CARS1: variants seen among roughly 807,000 people sequenced by gnomAD.
CARS1 encodes the protein cysteine--tRNA ligase, cytoplasmic.
CARS1 carries 48 observed loss-of-function variants against 106.2 expected under a neutral mutation model. That is an observed-to-expected ratio of 0.45 (90% CI 0.36 to 0.57). CARS1 has a LOEUF of 0.57. Ranked by LOEUF, CARS1 falls within the 20% of genes least tolerant of loss-of-function variation. The probability of loss-of-function intolerance (pLI) is 0.00; values close to 1 mark genes in which losing one functional copy is unlikely to be tolerated. For missense variants in CARS1, 968 were observed against 1,057.2 expected (o/e 0.92, Z 1.17); for synonymous variants, 409 against 403.4 (o/e 1.01, Z -0.17).
In CARS1 at chr11:3,004,371, C is replaced by T. The variant is rs1363216263; in HGVS notation, c.2217+995G>A. Among the ~76,000 whole-genome samples the T allele has an allele frequency of 1.3e-5, 2 of 152,238 alleles. No homozygotes were observed. The highest frequency in any genetic ancestry group is 2.9e-5 in the Non-Finnish European group (2 of 68,044). On this transcript the variant is annotated intron_variant, in intron 20 of 22. Coordinates refer to ENST00000380525, the MANE Select transcript of CARS1 (RefSeq NM_001014437.3). This position sits in a 1 kb window ranked among gnomAD's most constrained non-coding sequence, Gnocchi z 5.2. The stretch of plus-strand genomic sequence containing the variant: ...GCCAGTGCAGGGCTAGGCATAGATG[C>T]CTTCCCTGACCTTGTACATCCCATC...
rs115895188 is a variant in CARS1, at chr11:3,004,486, G to A, written c.2217+880C>T. On this transcript the variant is annotated intron_variant, in intron 20 of 22. Transcript: ENST00000380525. The surrounding 1 kb of genome is among the most constrained non-coding windows in gnomAD (Gnocchi z 5.2). ...TGTGGCATCCAAACTCGCCCTCCAC[G>A]GTGGTCTCCTGCTTTAAGCCTCTTG... Among the ~76,000 whole-genome samples, 3,156 of 152,236 alleles carry A rather than the reference G, an allele frequency of 0.021. 105 individuals carry two copies. Among genetic ancestry groups the A allele is most frequent in the African/African-American group, 0.072 (2,988 of 41,544 alleles).
intron 21 of CARS1, 124 bp from the exon 22 acceptor site, chr11:3,002,177 A>ATT (rs1292108180): frequency 1.4e-6 from 1 of 732,652 alleles, no homozygotes; most frequent in Non-Finnish European, 2.4e-6. Flanking sequence ...TCAGAGTGCT[A>ATT]TGAAAGATGG....
chr11:3,023,274 G>A (rs558013161), intron 10 of CARS1, among the ~76,000 whole-genome samples: 1 of 152,204 alleles, frequency 6.6e-6, no homozygotes, highest in African/African-American at 2.4e-5. Context: ...TTCCCTCCCG[G>A]CATCTAAGTG....
chr11:3,007,044 G>C, intron 18 of CARS1, 85 bp from the exon 19 acceptor site: 2 of 1,101,826 alleles, frequency 1.8e-6, no homozygotes, highest in Non-Finnish European at 2.7e-6. Context: ...TGGGGAAGGA[G>C]GGGCCGTGGC....
rs200987280 is a variant in CARS1, at chr11:3,026,817, T to C, written c.1032-20A>G. The C allele has an allele frequency of 3.2e-3, 5,087 of 1,605,182 alleles. 6 individuals are homozygous for C. Among genetic ancestry groups the C allele is most frequent in the Admixed American group, 4.0e-3 (234 of 59,208 alleles). On this transcript the variant is annotated intron_variant, in intron 9 of 22. Coordinates refer to ENST00000380525, the MANE Select transcript of CARS1 (RefSeq NM_001014437.3). ...ACATAGCTGGAAAACAGAAAAGGAA[T>C]TGGGTGGGTGCATCTAACAGACCCG...
Position 3,026,713 on chromosome 11 carries a change from C to T in CARS1, c.1116G>A (p.Glu372=), listed in dbSNP as rs1852116679. 6.2e-7 allele frequency: 1 copy of T among 1,613,960 alleles called. No homozygotes were observed. The highest frequency in any genetic ancestry group is 1.1e-5 in the South Asian group (1 of 91,050). The change falls in exon 10 of 23, where the codon GAG becomes GAA. Residue 372 remains glutamate (E), a synonymous_variant. Coordinates refer to ENST00000380525, the MANE Select transcript of CARS1 (RefSeq NM_001014437.3). ...EKHSYGKLVP[E]AVGDQKALQE... is the part of the protein sequence containing the mutation. ...GAAGGGCTTTCTGATCTCCAACGGC[C>T]TCAGGCACCAGCTTCCCATAGGAGT...
At chr11:3,007,214 T>C (rs1849966518) in intron 18 of CARS1, 4 of 547,764 alleles carry the variant, frequency 7.3e-6, no homozygotes, top group Middle Eastern at 4.7e-4. Context: ...GTTCTGGGGG[T>C]GCAGGGCAGA....
At position 3,044,165 on chromosome 11, in the gene CARS1, C is replaced by T. The variant is rs1277387723; in HGVS notation, c.275-1909G>A. Among the ~76,000 whole-genome samples, 1 of 152,128 alleles carries T rather than the reference C, an allele frequency of 6.6e-6. No individual in the cohort carries two copies. Among genetic ancestry groups the T allele is most frequent in the Non-Finnish European group, 1.5e-5 (1 of 68,006 alleles). ...CCATCTCAGACAGCTGGAGACGCTG[C>T]CCAGAAACACAGCCATGAGGCCACG... On this transcript the variant is annotated intron_variant, in intron 2 of 22. Coordinates refer to ENST00000380525, the MANE Select transcript of CARS1 (RefSeq NM_001014437.3). The surrounding 1 kb of genome is among the most constrained non-coding windows in gnomAD (Gnocchi z 4.4).
At position 3,017,145 on chromosome 11, in the gene CARS1, C is replaced by G; in HGVS notation, c.1878G>C (p.Leu626=). ...TGAGGTACAGGGCGATGTTCTCCAG[C>G]AGAGCCTGGTTGGGCCTCTTCCTCA... ...KAVRKRPNQA[L]LENIALYLTH... is the part of the protein sequence containing the mutation. The change falls in exon 16 of 23, where the codon CTG becomes CTC. Residue 626 remains leucine, a synonymous_variant. Transcript: ENST00000380525. This position sits in a 1 kb window ranked among gnomAD's most constrained non-coding sequence, Gnocchi z 4.9. The G allele has an allele frequency of 6.2e-7, 1 of 1,614,182 alleles. No individual in the cohort carries two copies. Among genetic ancestry groups the G allele is most frequent in the East Asian group, 2.2e-5 (1 of 44,884 alleles).
intron 1 of CARS1, among the ~76,000 whole-genome samples, chr11:3,051,086 C>G (rs1855638972): frequency 6.6e-6 from 1 of 152,252 alleles, no homozygotes; most frequent in South Asian, 2.1e-4. Context: ...CACTGGGCCT[C>G]ATGCACCCTT....
rs139502109 is a variant in CARS1, at chr11:3,018,594, G to A, written c.1525+26C>T. On this transcript the variant is annotated intron_variant, in intron 13 of 22. Coordinates refer to ENST00000380525, the MANE Select transcript of CARS1 (RefSeq NM_001014437.3). ...CACATGTATGAGAAGGTGGTTGGGG[G>A]GTCTGTGGGAGAAGCCAGTGTATAC... The A allele has an allele frequency of 9.3e-5, 150 of 1,613,580 alleles. No homozygotes were observed. In the East Asian group the frequency reaches 3.3e-3, roughly 35 times the overall value.
In CARS1 at chr11:3,008,067, G is replaced by C. The variant is rs750702949; in HGVS notation, c.2069-1108C>G. 1 of 152,256 alleles carries C rather than the reference G, an allele frequency of 6.6e-6. No individual in the cohort carries two copies. Among genetic ancestry groups the C allele is most frequent in the South Asian group, 2.1e-4 (1 of 4,826 alleles). 9.4% of individuals were successfully genotyped at this position (152,256 alleles called of 1,614,324 possible). A position where few individuals can be genotyped will look rare whatever the true frequency, so the allele number is the denominator to read the frequency against. On this transcript the variant is annotated intron_variant, in intron 18 of 22. Transcript: ENST00000380525. The surrounding 1 kb of genome is among the most constrained non-coding windows in gnomAD (Gnocchi z 5.1). ...CTGAAATCTGACCTTGGGTTTGCTG[G>C]AATCACCACACCCTTTAGTTTTCTT...
rs1849354725 is a variant in CARS1 at position 3,001,053 on chromosome 11, T to G, written c.*61A>C. ...ACATGATAGGAGCGCTGGGACATTG[T>G]CACTGAGGCAGACAGCAGCCACTAG... On this transcript the variant is annotated 3_prime_UTR_variant, in exon 23 of 23. Coordinates refer to ENST00000380525, the MANE Select transcript of CARS1 (RefSeq NM_001014437.3). The G allele has an allele frequency of 1.3e-6, 2 of 1,586,994 alleles. No homozygotes were observed. Among genetic ancestry groups the G allele is most frequent in the African/African-American group, 2.7e-5 (2 of 74,478 alleles).
In CARS1 at chr11:3,050,859, T is replaced by C. The variant is rs1855608834; in HGVS notation, c.26-2858A>G. 6.6e-6 allele frequency among the ~76,000 whole-genome samples: 1 copy of C among 152,204 alleles called. No homozygotes were observed. ...ACCCTGAGCCTGGCTGCTCTTTCTC[T>C]CCGCAGCACCCCTGTCTAACACGTG... On this transcript the variant is annotated intron_variant, in intron 1 of 22. Coordinates refer to ENST00000380525, the MANE Select transcript of CARS1 (RefSeq NM_001014437.3). The surrounding 1 kb of genome is among the most constrained non-coding windows in gnomAD (Gnocchi z 6.3).
At position 3,020,139 on chromosome 11, in the gene CARS1, G is replaced by T; in HGVS notation, c.1266+81C>A. The T allele has an allele frequency of 1.2e-6, 1 of 847,484 alleles. No individual in the cohort carries two copies. Among genetic ancestry groups the T allele is most frequent in the Middle Eastern group, 3.1e-4 (1 of 3,206 alleles). 52.5% of individuals were successfully genotyped at this position (847,484 alleles called of 1,614,324 possible). A position where few individuals can be genotyped will look rare whatever the true frequency, so the allele number is the denominator to read the frequency against. On this transcript the variant is annotated intron_variant, in intron 11 of 22. Transcript: ENST00000380525. The surrounding 1 kb of genome is among the most constrained non-coding windows in gnomAD (Gnocchi z 4.6). The stretch of plus-strand genomic sequence containing the variant: ...TGACAACATCCTTCACACACAGAGC[G>T]GCCCTCTGCTGGGGGCCTGAGAGTG...
At chr11:3,011,830 G>A (rs1850490733) in intron 18 of CARS1, among the ~76,000 whole-genome samples, 1 of 152,216 alleles carries the variant, frequency 6.6e-6, no homozygotes, top group Admixed American at 6.5e-5. Context: ...CCCAGTGTGA[G>A]CCAAATGGCA....
intron 18 of CARS1, among the ~76,000 whole-genome samples, chr11:3,011,921 T>G (rs1850501234): frequency 6.6e-6 from 1 of 152,234 alleles, no homozygotes; most frequent in Admixed American, 6.5e-5. Context: ...TGGCCCATCA[T>G]ATCACATCCT....
intron 7 of CARS1, among the ~76,000 whole-genome samples, chr11:3,036,027 T>C (rs1006794020): frequency 1.3e-5 from 2 of 152,192 alleles, no homozygotes; most frequent in East Asian, 1.9e-4. Context: ...GAGTCAGGAA[T>C]TGCGGCACGT....
chr11:3,037,526 G>T lies in CARS1; in HGVS notation c.801+524C>A, dbSNP rs369635952. Among the ~76,000 whole-genome samples the T allele has an allele frequency of 6.6e-6, 1 of 152,228 alleles. No individual in the cohort carries two copies. Among genetic ancestry groups the T allele is most frequent in the African/African-American group, 2.4e-5 (1 of 41,460 alleles). On this transcript the variant is annotated intron_variant, in intron 7 of 22. Coordinates refer to ENST00000380525, the MANE Select transcript of CARS1 (RefSeq NM_001014437.3). The surrounding 1 kb of genome is among the most constrained non-coding windows in gnomAD (Gnocchi z 5.9). The stretch of plus-strand genomic sequence containing the variant: ...TCCAGGGCGCCAGCCACAGGGAAAG[G>T]CCTGAGGAAGAGGGCAGGGTCCCCT...
Sources: allele counts gnomAD v4.1 joint callset (sites outside exome capture counted in the v4.1 genomes callset), GRCh38; gene constraint gnomAD v4.1.1; non-coding constraint Gnocchi (gnomAD v3.1); transcripts MANE v1.5; gene names NCBI Gene and HGNC (gene_info 2026-07-23, HGNC 2026-07-21).